USH2A: variants seen among roughly 807,000 people sequenced by gnomAD.
USH2A encodes usherin.
A neutral mutation model predicts 538.9 loss-of-function variants in USH2A; 443 were observed. The observed-to-expected ratio is 0.82, with a 90% CI of 0.76 to 0.89. The LOEUF is 0.89. Among genes scored for constraint, USH2A ranks in the 40% least tolerant of loss-of-function variants. The pLI is 0.00. For missense variants in USH2A, 6,633 were observed against 6,324.8 expected (o/e 1.05, Z -1.65); for synonymous variants, 2,413 against 2,273.5 (o/e 1.06, Z -1.75).
chr1:215,948,451 C>T (rs1170306567), intron 37 of USH2A, among the ~76,000 whole-genome samples: 8 of 151,022 alleles, frequency 5.3e-5, no homozygotes, highest in Non-Finnish European at 7.4e-5. Flanking sequence ...TATACACACA[C>T]ACACACACAC....
chr1:215,977,733 G>C (rs1299200904), intron 35 of USH2A, among the ~76,000 whole-genome samples: 1 of 151,982 alleles, frequency 6.6e-6, no homozygotes, highest in East Asian at 1.9e-4. Context: ...GGCTAGTCTC[G>C]AACTCCTGAC....
chr1:215,978,437 C>T (rs561121551), intron 35 of USH2A, among the ~76,000 whole-genome samples: 1 of 152,184 alleles, frequency 6.6e-6, no homozygotes, highest in South Asian at 2.1e-4. Flanking sequence ...GGTGAACATG[C>T]TCTGGTTCTC....
chr1:216,257,537 T>A (rs915166657), intron 11 of USH2A, among the ~76,000 whole-genome samples: 2 of 151,982 alleles, frequency 1.3e-5, no homozygotes, highest in Non-Finnish European at 2.9e-5. Flanking sequence ...TGTTACTTAT[T>A]TTTTAGTTTT....
chr1:215,681,531 T>C (rs1444410647), intron 61 of USH2A, among the ~76,000 whole-genome samples: 1 of 152,162 alleles, frequency 6.6e-6, no homozygotes, highest in Non-Finnish European at 1.5e-5. Flanking sequence ...AAGAAGAATA[T>C]AAAGTGGAGT....
At chr1:216,064,037 T>C (rs2031268476) in intron 30 of USH2A, among the ~76,000 whole-genome samples, 1 of 152,218 alleles carries the variant, frequency 6.6e-6, no homozygotes, top group South Asian at 2.1e-4. Context: ...ATAAATGCTT[T>C]CCAAGTGAAC....
chr1:215,735,590 A>G (rs1466559467), intron 60 of USH2A, among the ~76,000 whole-genome samples: 1 of 152,240 alleles, frequency 6.6e-6, no homozygotes, highest in Admixed American at 6.5e-5. Context: ...ATAAGAAAAC[A>G]CAGATGAACA....
intron 9 of USH2A, among the ~76,000 whole-genome samples, chr1:216,308,408 CT>C (rs34633319): frequency 0.35 from 53,038 of 151,406 alleles, 9,626 homozygotes; most frequent in Middle Eastern, 0.48. Context: ...TTATCACATT[CT>C]TTTTTTTTAG....
At chr1:215,947,793 A>G (rs1666794965) in intron 37 of USH2A, among the ~76,000 whole-genome samples, 1 of 152,218 alleles carries the variant, frequency 6.6e-6, no homozygotes, top group South Asian at 2.1e-4. Flanking sequence ...AAAAAAATTA[A>G]TACATTTTAC....
intron 61 of USH2A, among the ~76,000 whole-genome samples, chr1:215,700,645 G>A (rs756691164): frequency 1.3e-5 from 2 of 152,158 alleles, no homozygotes; most frequent in African/African-American, 2.4e-5. Context: ...TGTGGGATCA[G>A]TAGCGATATT....
chr1:215,749,226 T>C (rs542762103), intron 58 of USH2A, among the ~76,000 whole-genome samples: 1 of 152,280 alleles, frequency 6.6e-6, no homozygotes, highest in African/African-American at 2.4e-5. Flanking sequence ...AGGCCTTGCA[T>C]CCTTCAAGAA....
At position 216,390,647 on chromosome 1, in the gene USH2A, T is replaced by C. The variant is rs558250431; in HGVS notation, c.652-25562A>G. ...TAGTTTCAAACCTAAACTTTGAAGA[T>C]AACTGATGGACCTAAATAACTTAAA... On this transcript the variant is annotated intron_variant, in intron 3 of 71. Coordinates refer to ENST00000307340, the MANE Select transcript of USH2A (RefSeq NM_206933.4). 1.4e-3 allele frequency among the ~76,000 whole-genome samples: 219 copies of C among 152,296 alleles called. 2 individuals carry two copies. The highest frequency in any genetic ancestry group is 3.4e-3 in the Middle Eastern group (1 of 294).
At chr1:216,337,794 C>A (rs567630422) in intron 4 of USH2A, among the ~76,000 whole-genome samples, 1 of 150,918 alleles carries the variant, frequency 6.6e-6, no homozygotes, top group African/African-American at 2.4e-5. Flanking sequence ...GTCAAATATT[C>A]GAATTAATGT....
chr1:215,732,037 A>C (rs1660009027), intron 60 of USH2A, among the ~76,000 whole-genome samples: 1 of 152,214 alleles, frequency 6.6e-6, no homozygotes. Flanking sequence ...TTAAAACATA[A>C]AAATCATTGG....
At chr1:215,648,819 T>C (rs1656950152) in intron 65 of USH2A, 53 bp from the exon 66 acceptor site, 2 of 1,542,880 alleles carry the variant, frequency 1.3e-6, no homozygotes, top group Non-Finnish European at 1.8e-6. Context: ...TAAAGGTGTT[T>C]GATGAATGTT....
chr1:216,190,076 G>T (rs2034684273), intron 20 of USH2A, 147 bp downstream of exon 20: 2 of 1,163,562 alleles, frequency 1.7e-6, no homozygotes, highest in Non-Finnish European at 1.2e-6. Context: ...GGTTGTTGTT[G>T]TTTAAAACTG....
intron 3 of USH2A, among the ~76,000 whole-genome samples, chr1:216,365,416 A>G (rs1179787501): frequency 6.6e-6 from 1 of 152,198 alleles, no homozygotes; most frequent in African/African-American, 2.4e-5. Context: ...TAAATTTGTT[A>G]TGGCTATATT....
intron 61 of USH2A, among the ~76,000 whole-genome samples, chr1:215,714,739 A>G (rs1659434006): frequency 6.6e-6 from 1 of 152,232 alleles, no homozygotes; most frequent in South Asian, 2.1e-4. Flanking sequence ...CTGTGTTTAT[A>G]ACATCTTAGA....
intron 38 of USH2A, among the ~76,000 whole-genome samples, chr1:215,907,548 A>G (rs1665671319): frequency 6.6e-6 from 1 of 152,032 alleles, no homozygotes; most frequent in Non-Finnish European, 1.5e-5. Flanking sequence ...CCACAGCCCA[A>G]CACAGGAAGG....
At chr1:215,744,633 A>G (rs1660411605) in intron 58 of USH2A, among the ~76,000 whole-genome samples, 1 of 152,202 alleles carries the variant, frequency 6.6e-6, no homozygotes, top group Non-Finnish European at 1.5e-5. Context: ...GGTCTAAAGA[A>G]TGAAATGTGG....
Sources: gnomAD v4.1 joint callset for allele counts (sites outside exome capture counted in the v4.1 genomes callset) on GRCh38, gnomAD v4.1.1 for gene constraint, MANE v1.5 for transcripts, NCBI Gene and HGNC (gene_info 2026-07-23, HGNC 2026-07-21) for gene names.